The following ABCB11 variants were observed in gnomAD, a reference collection of about 807,000 sequenced individuals.
The protein encoded by ABCB11 is bile salt export pump.
ABCB11 carries 95 observed loss-of-function variants against 148.0 expected under a neutral mutation model. That is an observed-to-expected ratio of 0.64 (90% confidence interval 0.54 to 0.76). The LOEUF (loss-of-function observed/expected upper bound fraction) is 0.76. ABCB11 is among the 30% of genes least tolerant of loss of function. The pLI is 0.00. For missense variants in ABCB11, 1,523 were observed against 1,617.8 expected (o/e 0.94, Z 1.01); for synonymous variants, 591 against 555.4 (o/e 1.06, Z -0.90).
chr2:168,975,160 A>C (rs1693771276), intron 12 of ABCB11, among the ~76,000 whole-genome samples: 1 of 44,254 alleles, frequency 2.3e-5, no homozygotes, highest in Non-Finnish European at 4.6e-5. Context: ...AATATATAAT[A>C]AATATTTTTA....
chr2:168,965,362 T>C (rs1558890569), intron 17 of ABCB11, among the ~76,000 whole-genome samples: 1 of 151,752 alleles, frequency 6.6e-6, no homozygotes, highest in Non-Finnish European at 1.5e-5. Context: ...TCTTAAAGTA[T>C]TTAGTGCTGG....
intron 9 of ABCB11, among the ~76,000 whole-genome samples, chr2:168,988,293 T>C (rs77911069): frequency 0.058 from 8,886 of 152,098 alleles, 875 homozygotes; most frequent in African/African-American, 0.2. Flanking sequence ...CACCTCAAAG[T>C]CCCTGGTAAC....
At chr2:169,001,229 A>G (rs1203753645) in intron 5 of ABCB11, among the ~76,000 whole-genome samples, 1 of 152,192 alleles carries the variant, frequency 6.6e-6, no homozygotes, top group Non-Finnish European at 1.5e-5. Context: ...TAATTCAGAA[A>G]GCTTAAGAGA....
chr2:168,976,224 G>A (rs1693897693), intron 12 of ABCB11, among the ~76,000 whole-genome samples: 1 of 152,084 alleles, frequency 6.6e-6, no homozygotes, highest in Admixed American at 6.6e-5. Context: ...TGCGAAGGTT[G>A]GGAAGAACCT....
At chr2:168,981,920 T>C (rs749186596) in intron 10 of ABCB11, among the ~76,000 whole-genome samples, 1 of 152,186 alleles carries the variant, frequency 6.6e-6, no homozygotes, top group Non-Finnish European at 1.5e-5. Context: ...CGACCATAGT[T>C]TGCTGACTCC....
intron 5 of ABCB11, among the ~76,000 whole-genome samples, chr2:169,010,108 A>G (rs1695137283): frequency 6.6e-6 from 1 of 152,014 alleles, no homozygotes; most frequent in South Asian, 2.1e-4. Context: ...ACTTGTTTAG[A>G]CTCCTTCCAA....
chr2:168,978,276 G>A (rs1694001456), intron 11 of ABCB11, among the ~76,000 whole-genome samples: 1 of 150,444 alleles, frequency 6.6e-6, no homozygotes, highest in African/African-American at 2.4e-5. Flanking sequence ...CTCCTGACTA[G>A]CTGGGACTAT....
At chr2:169,015,906 C>A (rs1331378045) in intron 3 of ABCB11, among the ~76,000 whole-genome samples, 1 of 152,142 alleles carries the variant, frequency 6.6e-6, no homozygotes, top group Non-Finnish European at 1.5e-5. Flanking sequence ...TCAATATTTG[C>A]AAAACGAATG....
intron 8 of ABCB11, 123 bp downstream of exon 8, chr2:168,993,588 A>G (rs1694612638): frequency 3.5e-6 from 3 of 851,964 alleles, no homozygotes; most frequent in Admixed American, 2.9e-5. Flanking sequence ...CTAACAAACT[A>G]CATGAAGATA....
intron 9 of ABCB11, among the ~76,000 whole-genome samples, chr2:168,990,061 C>T (rs1694461395): frequency 6.6e-6 from 1 of 151,940 alleles, no homozygotes; most frequent in African/African-American, 2.4e-5. Context: ...GGATATTGGC[C>T]TTTGATTTTC....
chr2:168,986,467 C>A (rs545457315), intron 9 of ABCB11, among the ~76,000 whole-genome samples, 183 bp from the exon 10 acceptor site: 1 of 152,154 alleles, frequency 6.6e-6, no homozygotes, highest in East Asian at 1.9e-4. Context: ...TTTAACCTGA[C>A]AATGAAACAT....
intron 3 of ABCB11, among the ~76,000 whole-genome samples, chr2:169,015,606 C>T (rs1393951573): frequency 1.3e-5 from 2 of 152,080 alleles, no homozygotes; most frequent in African/African-American, 4.8e-5. Context: ...CTCCGCTAGA[C>T]CTTCCTTTGA....
At chr2:168,958,232 A>G (rs1692889492) in intron 18 of ABCB11, 104 bp from the exon 19 acceptor site, 5 of 1,098,848 alleles carry the variant, frequency 4.6e-6, no homozygotes, top group Admixed American at 1.8e-5. Flanking sequence ...TTGATTAGTT[A>G]TGAGTGACCT....
intron 17 of ABCB11, among the ~76,000 whole-genome samples, chr2:168,967,002 T>A (rs1390383967): frequency 6.6e-6 from 1 of 151,962 alleles, no homozygotes; most frequent in Non-Finnish European, 1.5e-5. Context: ...AGTAGAATTT[T>A]GTTTGTCTGA....
Position 168,964,246 on chromosome 2 carries a change from G to A in ABCB11, c.2138C>T (p.Ala713Val), listed in dbSNP as rs1436652439. The change falls in exon 18 of 28, where the codon GCT becomes GTT. Residue 713 changes from alanine (A) to valine (V), a missense_variant. Physicochemically the swap from Ala to Val is moderately conservative, Grantham distance 64. Coordinates refer to ENST00000650372, the MANE Select transcript of ABCB11 (RefSeq NM_003742.4). ...LSYLVHEPPL[A>V]VVDHKSTYEE... is the part of the protein sequence containing the mutation. ...ATAGGTAGACTTATGATCTACAACA[G>A]CTAATGGAGGTTCGTGCACCAGGTA... 1 of 1,569,124 alleles carries A rather than the reference G, an allele frequency of 6.4e-7. No homozygotes were observed. The highest frequency in any genetic ancestry group is 1.9e-5 in the Admixed American group (1 of 53,722).
chr2:168,944,861 A>G lies in ABCB11; in HGVS notation c.2444T>C (p.Leu815Pro). ...MGCVSLFTQF[L>P]QGYAFAKSGE... is the part of the protein sequence containing the mutation. ...CTGAAAAATAACATTTCTTACCTGTAGAAATTGGGTGAAAAGAGATACACA... is the reference window on the plus strand; with the variant it reads ...CTGAAAAATAACATTTCTTACCTGTGGAAATTGGGTGAAAAGAGATACACA... Residue 815 changes from leucine (L) to proline (P), a missense_variant, in exon 20 of 28, where the codon CTA becomes CCA. Transcript: ENST00000650372. The G allele has an allele frequency of 6.3e-7, 1 of 1,591,908 alleles. No homozygotes were observed. Among genetic ancestry groups the G allele is most frequent in the Non-Finnish European group, 8.6e-7 (1 of 1,168,094 alleles).
intron 19 of ABCB11, among the ~76,000 whole-genome samples, chr2:168,952,212 G>C (rs1337393437): frequency 2.6e-5 from 4 of 151,632 alleles, no homozygotes; most frequent in African/African-American, 9.7e-5. Flanking sequence ...GTCCTAGTCT[G>C]GTTTTGGTAT....
intron 18 of ABCB11, 138 bp from the exon 19 acceptor site, chr2:168,958,266 TTTG>T (rs2105935594): frequency 1.4e-6 from 1 of 740,476 alleles, no homozygotes; most frequent in Admixed American, 2.8e-5. Context: ...GATATGGTTG[TTTG>T]TTATTTTTTG....
Position 168,923,778 on chromosome 2 carries a change from G to T in ABCB11, c.3810C>A (p.Cys1270Ter). 6.2e-7 allele frequency: 1 copy of T among 1,613,986 alleles called. No homozygotes were observed. The highest frequency in any genetic ancestry group is 8.5e-7 in the Non-Finnish European group (1 of 1,179,902). Residue 1270 changes from cysteine (C) to a stop codon, truncating the protein, a stop_gained, in exon 28 of 28, where the codon TGC (cysteine) becomes TGA (stop). Transcript: ENST00000650372. LOFTEE classifies it high-confidence loss of function. ...TGGACAAGCGATGGGCAATGACAAT[G>T]CAGGTCCGACCCTCTCTGGCTTTGT... is the stretch of plus-strand genomic sequence containing the variant. ...ALDKAREGRT[C>*]IVIAHRLSTI...
Sources: allele counts gnomAD v4.1 joint callset (sites outside exome capture counted in the v4.1 genomes callset), GRCh38; gene constraint gnomAD v4.1.1; transcripts MANE v1.5; gene names NCBI Gene and HGNC (gene_info 2026-07-23, HGNC 2026-07-21).